CFAP58: variants seen among roughly 807,000 people sequenced by gnomAD.
CFAP58 encodes cilia and flagella associated protein 58, also known as cilia- and flagella-associated protein 58.
CFAP58 carries 88 observed loss-of-function variants against 119.5 expected under a neutral mutation model. The observed-to-expected ratio is 0.74, with a 90% CI of 0.62 to 0.88. The LOEUF (loss-of-function observed/expected upper bound fraction) is 0.88. Among genes scored for constraint, CFAP58 ranks in the 40% least tolerant of loss-of-function variants. CFAP58 has a pLI of 0.00. For missense variants in CFAP58, 990 were observed against 1,021.2 expected (o/e 0.97, Z 0.42); for synonymous variants, 365 against 366.3 (o/e 1.00, Z 0.04).
chr10:104,376,741 A>T, intron 7 of CFAP58, 70 bp from the exon 8 acceptor site: 1 of 1,234,642 alleles, frequency 8.1e-7, no homozygotes, highest in Non-Finnish European at 1.2e-6. Context: ...TTTTTGTATC[A>T]CTTCGGCTTT....
chr10:104,441,048 G>C (rs1199821549), intron 15 of CFAP58, among the ~76,000 whole-genome samples: 3 of 152,188 alleles, frequency 2.0e-5, no homozygotes, highest in Non-Finnish European at 4.4e-5. Context: ...TGTCACCCAG[G>C]CTGGAGTGCA....
upstream of CFAP58, chr10:104,353,636 C>A (rs887476642): frequency 5.5e-5 from 27 of 488,042 alleles, no homozygotes; most frequent in African/African-American, 5.2e-4. Context: ...TTGGCTCCGC[C>A]CCATTGGGAT....
chr10:104,423,957 C>T (rs1564900216), intron 15 of CFAP58, among the ~76,000 whole-genome samples: 1 of 152,128 alleles, frequency 6.6e-6, no homozygotes, highest in Non-Finnish European at 1.5e-5. Context: ...AGTCCAAACA[C>T]CTACATGAAT....
At chr10:104,347,497 C>G in the CFAP58 span, among the ~76,000 whole-genome samples, 358 of 152,180 alleles carry the variant, frequency 2.4e-3, 5 homozygotes, top group African/African-American at 7.6e-3. Context: ...TAACAATTTT[C>G]TGTAACACGT....
At chr10:104,375,613 G>A (rs1454365563) in intron 7 of CFAP58, among the ~76,000 whole-genome samples, 5 of 152,184 alleles carry the variant, frequency 3.3e-5, no homozygotes, top group Admixed American at 3.3e-4. Flanking sequence ...ACATGTGACT[G>A]ACCATGGCCC....
intron 3 of CFAP58, among the ~76,000 whole-genome samples, chr10:104,364,468 A>G (rs1165569363): frequency 6.8e-6 from 1 of 146,750 alleles, no homozygotes; most frequent in Non-Finnish European, 1.5e-5. Flanking sequence ...ACACACACAC[A>G]CACTCTCACA....
the CFAP58 span, among the ~76,000 whole-genome samples, chr10:104,345,862 A>G: frequency 1.3e-5 from 2 of 152,180 alleles, no homozygotes; most frequent in African/African-American, 2.4e-5. Context: ...TAGTAGATAT[A>G]AAAGCATTGG....
At chr10:104,344,635 C>A in the CFAP58 span, among the ~76,000 whole-genome samples, 1 of 151,010 alleles carries the variant, frequency 6.6e-6, no homozygotes, top group Non-Finnish European at 1.5e-5. Context: ...AGTTTGCAAA[C>A]CTTGGTGCTA....
At chr10:104,356,683 T>C (rs2014547345) in intron 1 of CFAP58, among the ~76,000 whole-genome samples, 1 of 152,088 alleles carries the variant, frequency 6.6e-6, no homozygotes, top group African/African-American at 2.4e-5. Context: ...AGATTTTTTT[T>C]TTTATTCTTG....
intron 17 of CFAP58, 119 bp downstream of exon 17, chr10:104,450,323 C>T: frequency 9.7e-7 from 1 of 1,026,066 alleles, no homozygotes; most frequent in Non-Finnish European, 1.5e-6. Context: ...ACAGGGTAAA[C>T]AAATGACATT....
Position 104,393,441 on chromosome 10 carries a change from A to T in CFAP58, c.1640A>T (p.Gln547Leu), listed in dbSNP as rs150206828. ...ESALVKLHLE[Q>L]QRIEKEKETL... Reference sequence around the variant, plus strand: ...GCACTTGTGAAGCTGCACCTGGAACAGCAGCGAATAGAAAAGGAAAAGGAA... The same window carrying T: ...GCACTTGTGAAGCTGCACCTGGAACTGCAGCGAATAGAAAAGGAAAAGGAA... The change falls in exon 11 of 18, where the codon CAG (glutamine) becomes CTG (leucine). Residue 547 changes from glutamine (Q) to leucine (L), a missense_variant. By Grantham distance (113) the Gln-to-Leu change is moderately radical (BLOSUM62 -2). Coordinates refer to ENST00000369704, the MANE Select transcript of CFAP58 (RefSeq NM_001008723.2). 684 of 1,613,974 alleles carry T rather than the reference A, an allele frequency of 4.2e-4. 2 individuals are homozygous for T. The highest frequency in any genetic ancestry group is 5.2e-4 in the Non-Finnish European group (612 of 1,179,876).
upstream of CFAP58, chr10:104,353,740 T>A (rs944838498): frequency 7.1e-6 from 5 of 705,872 alleles, no homozygotes; most frequent in African/African-American, 8.9e-5. Flanking sequence ...AGAGGGCGTG[T>A]CCGTTGCCAG....
At chr10:104,405,301 C>A (rs2012340783) in intron 14 of CFAP58, among the ~76,000 whole-genome samples, 2 of 152,202 alleles carry the variant, frequency 1.3e-5, no homozygotes, top group Non-Finnish European at 2.9e-5. Flanking sequence ...TCTTCAAATG[C>A]CAAGAGTGGT....
intron 15 of CFAP58, among the ~76,000 whole-genome samples, chr10:104,418,503 G>A (rs1248729734): frequency 6.6e-6 from 1 of 152,214 alleles, no homozygotes; most frequent in African/African-American, 2.4e-5. Context: ...AGCCAAGATA[G>A]AGCCACTGCA....
At chr10:104,404,000 A>G (rs950723753) in intron 14 of CFAP58, among the ~76,000 whole-genome samples, 160 bp downstream of exon 14, 1 of 152,278 alleles carries the variant, frequency 6.6e-6, no homozygotes. Flanking sequence ...GAGTTTTCTC[A>G]GAACCAGATG....
At chr10:104,350,155 T>C (rs2014443673), upstream of CFAP58, among the ~76,000 whole-genome samples, 1 of 152,240 alleles carries the variant, frequency 6.6e-6, no homozygotes, top group South Asian at 2.1e-4. Flanking sequence ...AGATCGTGTC[T>C]TCAACTCCTT....
intron 15 of CFAP58, among the ~76,000 whole-genome samples, chr10:104,421,577 T>C (rs1211481057): frequency 6.6e-6 from 1 of 152,190 alleles, no homozygotes; most frequent in East Asian, 1.9e-4. Context: ...AGAGAATAGG[T>C]CTCTTGGTAC....
At chr10:104,389,836 G>A (rs2011997662) in intron 9 of CFAP58, among the ~76,000 whole-genome samples, 1 of 152,076 alleles carries the variant, frequency 6.6e-6, no homozygotes, top group Non-Finnish European at 1.5e-5. Context: ...CAGAAACCTT[G>A]AGATTAAAAA....
chr10:104,388,903 C>A (rs1435869697), intron 9 of CFAP58, among the ~76,000 whole-genome samples: 1 of 152,168 alleles, frequency 6.6e-6, no homozygotes, highest in Non-Finnish European at 1.5e-5. Flanking sequence ...TCCCCTGAAG[C>A]CTAGGAGTGC....
Sources: gnomAD v4.1 joint callset for allele counts (sites outside exome capture counted in the v4.1 genomes callset) on GRCh38, gnomAD v4.1.1 for gene constraint, MANE v1.5 for transcripts, NCBI Gene and HGNC (gene_info 2026-07-23, HGNC 2026-07-21) for gene names.